UGT1A6: variants seen among roughly 807,000 people sequenced by gnomAD.
UGT1A6 encodes the protein UDP glucuronosyltransferase family 1 member A6.
UGT1A6 carries 32 observed loss-of-function variants against 44.4 expected under a neutral mutation model. The ratio of observed to expected loss-of-function variants is 0.72; its 90% CI spans 0.54 to 0.97. The LOEUF is 0.97. Among genes scored for constraint, UGT1A6 ranks in the 50% least tolerant of loss-of-function variants. The pLI is 0.00. For missense variants in UGT1A6, 685 were observed against 661.9 expected (o/e 1.03, Z -0.38); for synonymous variants, 238 against 248.5 (o/e 0.96, Z 0.40).
At position 233,738,235 on chromosome 2, in the gene UGT1A6, C is replaced by G. The variant is rs190187890; in HGVS notation, c.862-28799C>G. 1.4e-4 allele frequency among the ~76,000 whole-genome samples: 21 copies of G among 152,332 alleles called. No individual in the cohort carries two copies. In the East Asian group the frequency reaches 3.3e-3, roughly 24 times the overall value. ...GGATTATAAGTTTCCTGAGGCCCCTCCAGCCACATGGAACTGGAGTCAATT... is the reference window on the plus strand; with the variant it reads ...GGATTATAAGTTTCCTGAGGCCCCTGCAGCCACATGGAACTGGAGTCAATT... On this transcript the variant is annotated intron_variant, in intron 1 of 4. Coordinates refer to ENST00000305139, the MANE Select transcript of UGT1A6 (RefSeq NM_001072.4).
chr2:233,702,192 C>G (rs1433115876), intron 1 of UGT1A6, among the ~76,000 whole-genome samples: 1 of 152,200 alleles, frequency 6.6e-6, no homozygotes. Context: ...CCTCCAGCCC[C>G]TGGCAGCCAT....
At chr2:233,719,573 T>C (rs2076782711) in intron 1 of UGT1A6, 3 of 1,613,994 alleles carry the variant, frequency 1.9e-6, no homozygotes, top group Non-Finnish European at 2.5e-6. Context: ...TTGTCAGCTA[T>C]GCATCCGTGT....
chr2:233,719,326 CTG>C, intron 1 of UGT1A6: 1 of 1,613,946 alleles, frequency 6.2e-7, no homozygotes. Context: ...TCGATTCCTG[CTG>C]TGTTTTTTTG....
At chr2:233,695,130 C>CTTTCTT (rs1364557158) in intron 1 of UGT1A6, among the ~76,000 whole-genome samples, 6 of 138,838 alleles carry the variant, frequency 4.3e-5, no homozygotes, top group Non-Finnish European at 7.7e-5. Flanking sequence ...CTTTTCTTTT[C>CTTTCTT]TTTTTTTTTT....
At chr2:233,745,083 C>T (rs1426787719) in intron 1 of UGT1A6, among the ~76,000 whole-genome samples, 3 of 151,660 alleles carry the variant, frequency 2.0e-5, no homozygotes, top group East Asian at 3.8e-4. Flanking sequence ...TTTTTCATTG[C>T]TCTTCCCCCC....
intron 1 of UGT1A6, chr2:233,743,980 G>C: frequency 7.7e-7 from 1 of 1,302,864 alleles, no homozygotes; most frequent in Non-Finnish European, 1.0e-6. Context: ...CCAGCACCCA[G>C]GCGCAGGCCC....
intron 1 of UGT1A6, among the ~76,000 whole-genome samples, chr2:233,726,473 A>T (rs2077534267): frequency 6.6e-6 from 1 of 152,158 alleles, no homozygotes; most frequent in Non-Finnish European, 1.5e-5. Flanking sequence ...TCTTTAACAG[A>T]AATTTCCTTT....
At chr2:233,715,625 A>T (rs2076461425) in intron 1 of UGT1A6, among the ~76,000 whole-genome samples, 1 of 152,080 alleles carries the variant, frequency 6.6e-6, no homozygotes, top group Admixed American at 6.6e-5. Context: ...TTAAAAAATT[A>T]TCCAGGTGTG....
In UGT1A6 at chr2:233,738,243, A is replaced by C. The variant is rs57963849; in HGVS notation, c.862-28791A>C. Among the ~76,000 whole-genome samples, 1,478 of 152,302 alleles carry C rather than the reference A, an allele frequency of 9.7e-3. 33 individuals are homozygous for C. The highest frequency in any genetic ancestry group is 0.033 in the African/African-American group (1,387 of 41,562). On this transcript the variant is annotated intron_variant, in intron 1 of 4. Coordinates refer to ENST00000305139, the MANE Select transcript of UGT1A6 (RefSeq NM_001072.4). Reference sequence around the variant, plus strand: ...AGTTTCCTGAGGCCCCTCCAGCCACATGGAACTGGAGTCAATTAAAGCTCT... The same window carrying C: ...AGTTTCCTGAGGCCCCTCCAGCCACCTGGAACTGGAGTCAATTAAAGCTCT...
intron 1 of UGT1A6, chr2:233,718,701 G>T: frequency 6.3e-7 from 1 of 1,599,658 alleles, no homozygotes; most frequent in Non-Finnish European, 8.5e-7. Context: ...AGGGCACTTT[G>T]TCTTCCAATT....
chr2:233,763,174 C>A (rs528142938), intron 1 of UGT1A6, among the ~76,000 whole-genome samples: 1 of 152,302 alleles, frequency 6.6e-6, no homozygotes, highest in East Asian at 1.9e-4. Context: ...GTGTTGACTA[C>A]ATATTTGTTG....
upstream of UGT1A6, chr2:233,692,815 A>G: frequency 7.0e-7 from 1 of 1,427,232 alleles, no homozygotes; most frequent in Non-Finnish European, 9.1e-7. Context: ...GTTGGTTCAT[A>G]TTAACCATGT....
At chr2:233,751,618 G>A (rs1295625249) in intron 1 of UGT1A6, among the ~76,000 whole-genome samples, 1 of 152,174 alleles carries the variant, frequency 6.6e-6, no homozygotes, top group East Asian at 1.9e-4. Context: ...GAGGTGATTG[G>A]ATCATGTGTG....
rs1236421933 is a variant in UGT1A6, at chr2:233,745,346, T to TG, written c.862-21683dup. 2.2e-4 allele frequency among the ~76,000 whole-genome samples: 34 copies of TG among 151,966 alleles called. 1 individual carries two copies. The highest frequency in any genetic ancestry group is 8.2e-4 in the African/African-American group (34 of 41,256). ...ACTGCTATATCATGACCATGAATTT[T>TG]GGGGGAATTTTTTTGAGATCTGAGT... is the stretch of plus-strand genomic sequence containing the variant. On this transcript the variant is annotated intron_variant, in intron 1 of 4. Coordinates refer to ENST00000305139, the MANE Select transcript of UGT1A6 (RefSeq NM_001072.4).
At chr2:233,694,585 C>A (rs1177504062) in intron 1 of UGT1A6, among the ~76,000 whole-genome samples, 10 of 152,158 alleles carry the variant, frequency 6.6e-5, no homozygotes, top group Non-Finnish European at 1.5e-4. Context: ...TAAATATTTA[C>A]AACTTTGAAG....
At chr2:233,713,379 G>A in intron 1 of UGT1A6, 1 of 1,614,156 alleles carries the variant, frequency 6.2e-7, no homozygotes, top group Non-Finnish European at 8.5e-7. Flanking sequence ...GTCTTGTGTG[G>A]AGCTACTGCA....
rs1044652784 is a variant in UGT1A6, at chr2:233,693,217, A to G, written c.213A>G (p.Lys71=). ...TTAATTTGCTTTTGAAAGAATCCAAATACTACACAAGAAAAATCTATCCAG... is the reference window on the plus strand; with the variant it reads ...TTAATTTGCTTTTGAAAGAATCCAAGTACTACACAAGAAAAATCTATCCAG... The part of the protein sequence containing the change: ...PEVNLLLKES[K]YYTRKIYPVP... Residue 71 remains lysine (K), a synonymous_variant, in exon 1 of 5, where the codon AAA becomes AAG. Coordinates refer to ENST00000305139, the MANE Select transcript of UGT1A6 (RefSeq NM_001072.4). 20 of 1,614,092 alleles carry G rather than the reference A, an allele frequency of 1.2e-5. No individual in the cohort carries two copies. Among genetic ancestry groups the G allele is most frequent in the Non-Finnish European group, 1.6e-5 (19 of 1,180,052 alleles).
At chr2:233,724,314 G>C (rs1472414004) in intron 1 of UGT1A6, among the ~76,000 whole-genome samples, 1 of 144,282 alleles carries the variant, frequency 6.9e-6, no homozygotes, top group African/African-American at 2.6e-5. Flanking sequence ...CCTCCCGGAC[G>C]GGGCGGCTGG....
chr2:233,725,179 GAGAGGCAGAGGC>G lies in UGT1A6; in HGVS notation c.861+31344_861+31355del, dbSNP rs879478240. ...CTCTGCATGAGAGGGAGACCGTGGG[GAGAGGCAGAGGC>G]AGAGGCAGAGGCAGAGGCAGAGGCA... On this transcript the variant is annotated intron_variant, in intron 1 of 4. Coordinates refer to ENST00000305139, the MANE Select transcript of UGT1A6 (RefSeq NM_001072.4). Among the ~76,000 whole-genome samples the G allele has an allele frequency of 6.0e-3, 403 of 67,616 alleles. 106 individuals carry two copies. Among genetic ancestry groups the G allele is most frequent in the Middle Eastern group, 0.049 (7 of 142 alleles). 44.4% of individuals were successfully genotyped at this position (67,616 alleles called of 152,430 possible). A position where few individuals can be genotyped will look rare whatever the true frequency, so the allele number is the denominator to read the frequency against.
Sources: allele counts gnomAD v4.1 joint callset (sites outside exome capture counted in the v4.1 genomes callset), GRCh38; gene constraint gnomAD v4.1.1; transcripts MANE v1.5; gene names NCBI Gene and HGNC (gene_info 2026-07-23, HGNC 2026-07-21).